The following ASTN2 variants were observed in gnomAD, a reference collection of about 807,000 sequenced individuals.
ASTN2 encodes the protein astrotactin-2.
In ASTN2, 54 loss-of-function variants were observed where a neutral mutation model predicts 139.8. That is an observed-to-expected ratio of 0.39 (90% CI 0.31 to 0.48). ASTN2 has a LOEUF of 0.48. ASTN2 is among the 20% of genes least tolerant of loss of function. The pLI is 0.95. For missense variants in ASTN2, 1,565 were observed against 1,725.1 expected (o/e 0.91, Z 1.64); for synonymous variants, 756 against 719.5 (o/e 1.05, Z -0.81).
intron 1 of ASTN2, among the ~76,000 whole-genome samples, chr9:117,297,409 G>T (rs993841629): frequency 1.3e-5 from 2 of 152,132 alleles, no homozygotes; most frequent in African/African-American, 2.4e-5. Context: ...GGAAATAATC[G>T]CAAATACTCA....
rs1483222695 is a variant in ASTN2 at position 117,081,771 on chromosome 9, T to C, written c.1276+14273A>G. 2.0e-5 allele frequency among the ~76,000 whole-genome samples: 3 copies of C among 152,084 alleles called. No individual in the cohort carries two copies. The East Asian group carries it at 5.8e-4, about 29-fold the overall frequency. ...TTGTGAACCGCCTACAGGGGAGACA[T>C]GTGGCAAGGGCTTCAGAGCGGCCTC... is the stretch of plus-strand genomic sequence containing the variant. On this transcript the variant is annotated intron_variant, in intron 5 of 22. Coordinates refer to ENST00000313400, the MANE Select transcript of ASTN2 (RefSeq NM_001365068.1).
At chr9:116,475,410 G>A (rs917399961) in intron 20 of ASTN2, among the ~76,000 whole-genome samples, 2 of 151,942 alleles carry the variant, frequency 1.3e-5, no homozygotes, top group African/African-American at 4.8e-5. Flanking sequence ...CTGCTGCCCT[G>A]AGCATGGGGC....
intron 19 of ASTN2, among the ~76,000 whole-genome samples, chr9:116,598,053 C>T (rs1014941336): frequency 6.6e-6 from 1 of 152,118 alleles, no homozygotes; most frequent in Non-Finnish European, 1.5e-5. Context: ...CAGGGAACTC[C>T]ACCCTCACCT....
intron 3 of ASTN2, among the ~76,000 whole-genome samples, chr9:117,191,614 C>T (rs1040428561): frequency 1.3e-5 from 2 of 152,266 alleles, no homozygotes; most frequent in Non-Finnish European, 2.9e-5. Flanking sequence ...GGTTCTTTGT[C>T]AGAGGCATTG....
chr9:116,614,324 T>A (rs181560446), intron 19 of ASTN2, among the ~76,000 whole-genome samples: 1 of 152,194 alleles, frequency 6.6e-6, no homozygotes, highest in East Asian at 1.9e-4. Flanking sequence ...TTCAGTGCCA[T>A]CCCCAGCAAG....
chr9:116,741,744 C>A (rs1423334548), intron 13 of ASTN2, among the ~76,000 whole-genome samples: 1 of 152,162 alleles, frequency 6.6e-6, no homozygotes, highest in Non-Finnish European at 1.5e-5. Context: ...CCGGAGACAT[C>A]TATAGGGTCT....
chr9:116,945,186 AC>A (rs1835356336), intron 10 of ASTN2, among the ~76,000 whole-genome samples: 2 of 152,160 alleles, frequency 1.3e-5, no homozygotes, highest in Admixed American at 1.3e-4. Flanking sequence ...AGAAAGGTGA[AC>A]TTTTCCAGAA....
At chr9:116,573,008 T>C (rs1373837997) in intron 19 of ASTN2, among the ~76,000 whole-genome samples, 3,292 of 114,490 alleles carry the variant, frequency 0.029, 95 homozygotes, top group African/African-American at 0.091. Flanking sequence ...CACATGTGGG[T>C]ACATGCACAC....
chr9:117,126,459 C>T (rs548688404), intron 4 of ASTN2, among the ~76,000 whole-genome samples: 15 of 152,300 alleles, frequency 9.8e-5, no homozygotes, highest in Admixed American at 3.3e-4. Flanking sequence ...TACAGTAATA[C>T]ATGTGAAACT....
intron 10 of ASTN2, among the ~76,000 whole-genome samples, chr9:116,938,383 T>C (rs762237399): frequency 2.0e-5 from 3 of 152,086 alleles, no homozygotes; most frequent in Non-Finnish European, 2.9e-5. Flanking sequence ...AGACTTTTCC[T>C]TGTTACTCTA....
intron 5 of ASTN2, among the ~76,000 whole-genome samples, chr9:117,070,554 C>T (rs1486086081): frequency 7.0e-6 from 1 of 142,328 alleles, no homozygotes; most frequent in African/African-American, 2.7e-5. Context: ...TGAACGATGG[C>T]CTGCCTTGCT....
intron 19 of ASTN2, among the ~76,000 whole-genome samples, chr9:116,534,381 A>T (rs1258786166): frequency 1.3e-5 from 2 of 151,844 alleles, no homozygotes; most frequent in Non-Finnish European, 1.5e-5. Flanking sequence ...CTCTGATCTT[A>T]GTTATTTCTT....
chr9:116,549,406 GC>G (rs1271789983), intron 19 of ASTN2, among the ~76,000 whole-genome samples: 1 of 152,212 alleles, frequency 6.6e-6, no homozygotes, highest in Non-Finnish European at 1.5e-5. Context: ...GCAGCTCTGA[GC>G]CACACTTGGC....
At chr9:117,105,794 T>C (rs1344829688) in intron 4 of ASTN2, among the ~76,000 whole-genome samples, 3 of 152,184 alleles carry the variant, frequency 2.0e-5, no homozygotes, top group African/African-American at 7.2e-5. Context: ...ACGGTGTGAC[T>C]GAAAAATATA....
At chr9:117,347,483 T>C (rs183660334) in intron 1 of ASTN2, among the ~76,000 whole-genome samples, 3 of 151,722 alleles carry the variant, frequency 2.0e-5, no homozygotes, top group African/African-American at 7.2e-5. Context: ...TGTATGTAGG[T>C]CTTATCATTA....
intron 19 of ASTN2, among the ~76,000 whole-genome samples, chr9:116,587,938 T>C (rs966799922): frequency 6.6e-6 from 1 of 152,242 alleles, no homozygotes; most frequent in Non-Finnish European, 1.5e-5. Flanking sequence ...TACTTCCATG[T>C]AGAGAAGAGT....
intron 13 of ASTN2, among the ~76,000 whole-genome samples, chr9:116,774,372 G>C (rs1032571825): frequency 6.6e-6 from 1 of 152,274 alleles, no homozygotes; most frequent in Admixed American, 6.5e-5. Context: ...TAAAGGAAAA[G>C]GTATCCTGGA....
intron 22 of ASTN2, among the ~76,000 whole-genome samples, chr9:116,428,501 G>A (rs1487814667): frequency 1.3e-5 from 2 of 151,208 alleles, no homozygotes; most frequent in Non-Finnish European, 2.9e-5. Flanking sequence ...TCCAGCCTGG[G>A]CAACAAGAGC....
rs142500025 is a variant in ASTN2 at position 116,531,997 on chromosome 9, T to G, written c.3356-44497A>C. ...TGTCCCACCAACAGTGTAAAAGTGT[T>G]CCTATTTCTCCACATCCTCTCCAGC... is the stretch of plus-strand genomic sequence containing the variant. On this transcript the variant is annotated intron_variant, in intron 19 of 22. Coordinates refer to ENST00000313400, the MANE Select transcript of ASTN2 (RefSeq NM_001365068.1). Among the ~76,000 whole-genome samples the G allele has an allele frequency of 3.6e-3, 542 of 152,334 alleles. 2 individuals are homozygous for G. Among genetic ancestry groups the G allele is most frequent in the African/African-American group, 0.012 (519 of 41,568 alleles).
Sources: gnomAD v4.1 joint callset for allele counts (sites outside exome capture counted in the v4.1 genomes callset) on GRCh38, gnomAD v4.1.1 for gene constraint, MANE v1.5 for transcripts, NCBI Gene and HGNC (gene_info 2026-07-23, HGNC 2026-07-21) for gene names.